The following HS3ST5 variants were observed in gnomAD, a reference collection of about 807,000 sequenced individuals.
HS3ST5 encodes the protein heparan sulfate-glucosamine 3-sulfotransferase 5.
Under a neutral mutation model 25.4 loss-of-function variants are expected in HS3ST5, and 10 were observed. The ratio of observed to expected loss-of-function variants is 0.39; its 90% CI spans 0.24 to 0.67. HS3ST5 has a LOEUF of 0.67. Among genes scored for constraint, HS3ST5 ranks in the 30% least tolerant of loss-of-function variants. The pLI is 0.44. For synonymous variants in HS3ST5, 170 were observed against 162.4 expected, an observed-to-expected ratio of 1.05 and a Z score of -0.36; for missense variants, 324 against 420.7, an observed-to-expected ratio of 0.77 and a Z score of 2.01.
chr6:114,331,025 T>TTATA (rs1245905547), intron 1 of HS3ST5, among the ~76,000 whole-genome samples: 2 of 152,242 alleles, frequency 1.3e-5, no homozygotes, highest in African/African-American at 4.8e-5. Flanking sequence ...TTTCAGCTAC[T>TTATA]TATAACACGT....
chr6:114,334,608 C>T (rs567345650), intron 1 of HS3ST5, among the ~76,000 whole-genome samples: 123 of 152,262 alleles, frequency 8.1e-4, no homozygotes, highest in African/African-American at 2.7e-3. Flanking sequence ...CATTGTATTA[C>T]GACTGCTTAC....
intron 2 of HS3ST5, among the ~76,000 whole-genome samples, chr6:114,228,049 A>T (rs772106148): frequency 1.3e-5 from 2 of 152,172 alleles, no homozygotes; most frequent in Non-Finnish European, 2.9e-5. Context: ...AACAACCAAC[A>T]TAAAAGCTCA....
At chr6:114,326,596 T>G (rs1220178645) in intron 1 of HS3ST5, among the ~76,000 whole-genome samples, 2 of 152,162 alleles carry the variant, frequency 1.3e-5, no homozygotes, top group Non-Finnish European at 2.9e-5. Flanking sequence ...TTTTGGAAAG[T>G]TTTCTAGTTG....
rs1020347689 is a variant in HS3ST5 at position 114,112,986 on chromosome 6, A to G, written c.-32-50109T>C. Among the ~76,000 whole-genome samples, 5 of 152,132 alleles carry G rather than the reference A, an allele frequency of 3.3e-5. No individual in the cohort carries two copies. In the East Asian group the frequency reaches 9.6e-4, roughly 29 times the overall value. On this transcript the variant is annotated intron_variant, in intron 3 of 4. Transcript: ENST00000312719. ...AGTCCTGGATCCCACCCCTCTTGAC[A>G]TCTCAGGGGCCTCCCTAATGGCAGT...
chr6:114,280,288 G>A (rs1774049249), intron 1 of HS3ST5, among the ~76,000 whole-genome samples: 1 of 151,988 alleles, frequency 6.6e-6, no homozygotes, highest in Non-Finnish European at 1.5e-5. Context: ...GATACAGGGG[G>A]TGATACAGGG....
chr6:114,146,200 C>T (rs1778155462), intron 3 of HS3ST5, among the ~76,000 whole-genome samples: 2 of 152,180 alleles, frequency 1.3e-5, no homozygotes, highest in Non-Finnish European at 2.9e-5. Context: ...TTTATCCTAA[C>T]GGCCAACCAT....
chr6:114,225,790 C>G (rs1771243280), intron 2 of HS3ST5, among the ~76,000 whole-genome samples: 1 of 151,890 alleles, frequency 6.6e-6, no homozygotes, highest in South Asian at 2.1e-4. Flanking sequence ...CATAAACTGT[C>G]ACTTTTATTT....
At chr6:114,075,092 G>A (rs1435302020) in intron 3 of HS3ST5, among the ~76,000 whole-genome samples, 1 of 152,198 alleles carries the variant, frequency 6.6e-6, no homozygotes, top group East Asian at 1.9e-4. Flanking sequence ...GCAGATGCAG[G>A]AAATAATATG....
At chr6:114,274,209 T>C (rs1407730) in intron 1 of HS3ST5, among the ~76,000 whole-genome samples, 50,774 of 151,852 alleles carry the variant, frequency 0.33, 8,639 homozygotes, top group East Asian at 0.4. Context: ...TCTTTGGAAG[T>C]TCTCTTCTGA....
chr6:114,271,406 T>C (rs766352713), intron 1 of HS3ST5, among the ~76,000 whole-genome samples: 2 of 152,006 alleles, frequency 1.3e-5, no homozygotes. Context: ...AATTGACAAA[T>C]TCATTTAGAG....
chr6:114,243,289 C>T (rs576624982), intron 1 of HS3ST5, among the ~76,000 whole-genome samples: 2 of 152,168 alleles, frequency 1.3e-5, no homozygotes, highest in East Asian at 3.9e-4. Context: ...TTCAAAATAC[C>T]TAAATGATGC....
intron 3 of HS3ST5, among the ~76,000 whole-genome samples, chr6:114,165,632 C>T (rs186493800): frequency 1.1e-4 from 17 of 152,224 alleles, no homozygotes; most frequent in South Asian, 4.1e-4. Flanking sequence ...TATAATATGC[C>T]TGAGGCAACT....
At chr6:114,162,111 C>T (rs181343182) in intron 3 of HS3ST5, among the ~76,000 whole-genome samples, 1 of 151,918 alleles carries the variant, frequency 6.6e-6, no homozygotes, top group South Asian at 2.1e-4. Context: ...TAAAATTATT[C>T]TCTCAGTAAT....
intron 3 of HS3ST5, among the ~76,000 whole-genome samples, chr6:114,119,873 G>A (rs1776698275): frequency 6.6e-6 from 1 of 152,152 alleles, no homozygotes; most frequent in African/African-American, 2.4e-5. Flanking sequence ...AAGCAAGAGA[G>A]ATAAACAATA....
At chr6:114,126,578 A>G (rs1409839857) in intron 3 of HS3ST5, among the ~76,000 whole-genome samples, 4 of 152,218 alleles carry the variant, frequency 2.6e-5, no homozygotes, top group African/African-American at 4.8e-5. Flanking sequence ...TCAAAAGATT[A>G]TTTTGAGAAT....
chr6:114,091,526 T>A (rs1775118548), intron 3 of HS3ST5, among the ~76,000 whole-genome samples: 2 of 144,580 alleles, frequency 1.4e-5, no homozygotes, highest in South Asian at 2.3e-4. Flanking sequence ...AAAAAAAAAA[T>A]ACAGAAAATT....
At chr6:114,198,815 G>A (rs1345191463) in intron 2 of HS3ST5, among the ~76,000 whole-genome samples, 1 of 151,738 alleles carries the variant, frequency 6.6e-6, no homozygotes, top group African/African-American at 2.4e-5. Flanking sequence ...TTTAATAAAT[G>A]CATTAGATAA....
chr6:114,181,689 C>T (rs901016650), intron 2 of HS3ST5, among the ~76,000 whole-genome samples: 4 of 152,176 alleles, frequency 2.6e-5, no homozygotes, highest in African/African-American at 9.7e-5. Flanking sequence ...CACCAGAGTA[C>T]ATGGTATCAT....
At chr6:114,252,966 G>A (rs1772733225) in intron 1 of HS3ST5, among the ~76,000 whole-genome samples, 1 of 152,036 alleles carries the variant, frequency 6.6e-6, no homozygotes, top group African/African-American at 2.4e-5. Flanking sequence ...GGAATTGCTT[G>A]AGCCCAGGAA....
Sources: gnomAD v4.1 joint callset for allele counts (sites outside exome capture counted in the v4.1 genomes callset) on GRCh38, gnomAD v4.1.1 for gene constraint, MANE v1.5 for transcripts, NCBI Gene and HGNC (gene_info 2026-07-23, HGNC 2026-07-21) for gene names.